Variants in MYO16 observed in about 807,000 individuals in gnomAD.
The protein encoded by MYO16 is myosin XVI.
MYO16 carries 94 observed loss-of-function variants against 205.3 expected under a neutral mutation model. The ratio of observed to expected loss-of-function variants is 0.46; its 90% confidence interval spans 0.39 to 0.54. The LOEUF (loss-of-function observed/expected upper bound fraction) is 0.54, where lower values mean the gene tolerates loss of function less well. MYO16 is among the 20% of genes least tolerant of loss of function. The pLI is 0.00. For synonymous variants in MYO16, 988 were observed against 954.0 expected, an observed-to-expected ratio of 1.04 and a Z score of -0.66; for missense variants, 2,315 against 2,387.5, an observed-to-expected ratio of 0.97 and a Z score of 0.63.
chr13:108,868,765 A>G (rs1023577647), intron 12 of MYO16, among the ~76,000 whole-genome samples: 1 of 151,878 alleles, frequency 6.6e-6, no homozygotes, highest in African/African-American at 2.4e-5. Context: ...TACTAAAAAT[A>G]CAAAAATTAG....
At chr13:108,522,711 C>A in the MYO16 span, among the ~76,000 whole-genome samples, 3 of 151,888 alleles carry the variant, frequency 2.0e-5, no homozygotes, top group Admixed American at 1.3e-4. Flanking sequence ...TGTTCCTCGG[C>A]TTGTAGATCT....
At chr13:108,778,089 G>A (rs1203933714) in intron 4 of MYO16, among the ~76,000 whole-genome samples, 1 of 152,146 alleles carries the variant, frequency 6.6e-6, no homozygotes, top group African/African-American at 2.4e-5. Context: ...CTCCTGCAGA[G>A]TCCTAATATT....
intron 7 of MYO16, among the ~76,000 whole-genome samples, chr13:108,818,468 G>C (rs1422266935): frequency 6.7e-6 from 1 of 149,866 alleles, no homozygotes; most frequent in Non-Finnish European, 1.5e-5. Context: ...ATAAAAAAGA[G>C]AGAGATTAAT....
At position 109,140,602 on chromosome 13, in the gene MYO16, G is replaced by A; in HGVS notation, c.4390G>A (p.Asp1464Asn). 1.3e-6 allele frequency: 2 copies of A among 1,520,650 alleles called. No homozygotes were observed. The highest frequency in any genetic ancestry group is 1.2e-5 in the South Asian group (1 of 82,406). 94.2% of individuals were successfully genotyped at this position (1,520,650 alleles called of 1,614,324 possible). A position where few individuals can be genotyped will look rare whatever the true frequency, so the allele number is the denominator to read the frequency against. ...GGAGATGAAGTGTTGCCTGCCCGAC[G>A]ACGGCGGCCCGGGCGCGGGCTCCTT... ...YEEMKCCLPDDGGPGAGSFLL... is the reference protein window; with the variant it reads ...YEEMKCCLPDNGGPGAGSFLL... The change falls in exon 32 of 35, where the codon GAC (aspartate) becomes AAC (asparagine). Residue 1464 changes from aspartate to asparagine, a missense_variant. By Grantham distance (23) the Asp-to-Asn change is conservative. Around this residue, in one of 3 missense-constraint regions of MYO16, gnomAD observed 1,097 missense variants for 1,092.0 expected, o/e 1.00. Transcript: ENST00000457511. The surrounding 1 kb of genome is among the most constrained non-coding windows in gnomAD (Gnocchi z 8.0).
intron 6 of MYO16, among the ~76,000 whole-genome samples, chr13:108,800,544 C>T (rs1306132894): frequency 1.3e-5 from 2 of 152,124 alleles, no homozygotes; most frequent in Admixed American, 1.3e-4. Flanking sequence ...TATAGTCTCA[C>T]TTTGGGATAT....
chr13:108,618,557 C>T (rs957706097), intron 1 of MYO16, among the ~76,000 whole-genome samples: 1 of 152,178 alleles, frequency 6.6e-6, no homozygotes, highest in African/African-American at 2.4e-5. Context: ...ATGCCTCCAT[C>T]TTGCTTTGTC....
At chr13:108,790,831 TAATAA>T (rs1886595234) in intron 5 of MYO16, among the ~76,000 whole-genome samples, 1 of 152,262 alleles carries the variant, frequency 6.6e-6, no homozygotes, top group African/African-American at 2.4e-5. Context: ...TATATTTTCT[TAATAA>T]AATGAGTCTG....
intron 20 of MYO16, among the ~76,000 whole-genome samples, chr13:108,972,237 CTCTCTCTCTCTCTATATATA>C (rs1884047497): frequency 6.1e-5 from 1 of 16,300 alleles, no homozygotes; most frequent in Non-Finnish European, 1.2e-4. Context: ...CTCTCTCTCT[CTCTCTCTCTCTCTATATATA>C]TATATATATA....
chr13:108,993,617 T>C (rs927460296), intron 21 of MYO16, among the ~76,000 whole-genome samples: 2 of 152,206 alleles, frequency 1.3e-5, no homozygotes, highest in Non-Finnish European at 2.9e-5. Flanking sequence ...ACTAGAACTA[T>C]AGAGGCAATA....
intron 27 of MYO16, among the ~76,000 whole-genome samples, chr13:109,068,102 T>A (rs6492164): frequency 0.5 from 75,925 of 151,884 alleles, 19,001 homozygotes; most frequent in Middle Eastern, 0.55. Flanking sequence ...CAACCCTAAT[T>A]CAATATTTTG....
intron 23 of MYO16, chr13:109,028,382 G>A: frequency 3.2e-6 from 1 of 315,236 alleles, no homozygotes; most frequent in Non-Finnish European, 6.3e-6. Context: ...TTTAGTTTAT[G>A]TTAATGTAAC....
chr13:109,167,098 C>T (rs1229409429), intron 33 of MYO16: 1 of 152,430 alleles, frequency 6.6e-6, no homozygotes, highest in African/African-American at 2.4e-5. Context: ...GCTCTCCCCA[C>T]ATCCCTGAGC....
At chr13:109,181,588 T>C (rs1879453035) in intron 34 of MYO16, among the ~76,000 whole-genome samples, 4 of 152,152 alleles carry the variant, frequency 2.6e-5, no homozygotes, top group Admixed American at 2.6e-4. Context: ...ATCAGCAGTT[T>C]TAATAAACTC....
chr13:108,771,992 A>G (rs1885980042), intron 4 of MYO16, among the ~76,000 whole-genome samples: 1 of 152,202 alleles, frequency 6.6e-6, no homozygotes, highest in Non-Finnish European at 1.5e-5. Context: ...GTAAGTTTTC[A>G]ACTCCTTTGG....
intron 1 of MYO16, among the ~76,000 whole-genome samples, chr13:108,604,958 C>G (rs574696409): frequency 6.6e-6 from 1 of 152,266 alleles, no homozygotes; most frequent in Non-Finnish European, 1.5e-5. Context: ...TTTGGAATGT[C>G]CCAGCAGGAT....
At chr13:109,064,111 T>A (rs1020651561) in intron 27 of MYO16, among the ~76,000 whole-genome samples, 7 of 152,216 alleles carry the variant, frequency 4.6e-5, no homozygotes, top group Admixed American at 4.6e-4. Flanking sequence ...GCCATCTGCT[T>A]TCATGTGGCC....
chr13:109,191,152 G>A (rs9521202), intron 34 of MYO16, among the ~76,000 whole-genome samples: 5,555 of 152,152 alleles, frequency 0.037, 152 homozygotes, highest in South Asian at 0.069. Flanking sequence ...CCCAGAGGCA[G>A]AGGTTGCGGT....
At chr13:108,647,655 A>G (rs879507480) in intron 1 of MYO16, among the ~76,000 whole-genome samples, 1 of 152,178 alleles carries the variant, frequency 6.6e-6, no homozygotes, top group Admixed American at 6.5e-5. Flanking sequence ...TTTCAGATCA[A>G]AAGGCACAGA....
chr13:109,065,542 AAAAG>A (rs1887720502), intron 27 of MYO16: 3 of 460,744 alleles, frequency 6.5e-6, no homozygotes, highest in Admixed American at 5.3e-5. Flanking sequence ...AAAAAAAAGA[AAAAG>A]AAAATTTAAA....
Sources: allele counts gnomAD v4.1 joint callset (sites outside exome capture counted in the v4.1 genomes callset), GRCh38; gene constraint gnomAD v4.1.1; regional missense constraint gnomAD v4.1.1; non-coding constraint Gnocchi (gnomAD v3.1); transcripts MANE v1.5; gene names NCBI Gene and HGNC (gene_info 2026-07-23, HGNC 2026-07-21).